NAALADL2: variants seen among roughly 807,000 people sequenced by gnomAD.
NAALADL2 encodes the protein N-acetylated alpha-linked acidic dipeptidase like 2.
In NAALADL2, 76 loss-of-function variants were observed where a neutral mutation model predicts 87.2. The ratio of observed to expected loss-of-function variants is 0.87; its 90% CI spans 0.72 to 1.05. NAALADL2 has a LOEUF of 1.05. NAALADL2 is among the 50% of genes least tolerant of loss of function. The pLI, the probability that NAALADL2 is intolerant of heterozygous loss-of-function variation, is 0.00. For missense variants in NAALADL2, 1,089 were observed against 945.8 expected, an observed-to-expected ratio of 1.15 and a Z score of -1.99; for synonymous variants, 354 against 331.0, an observed-to-expected ratio of 1.07 and a Z score of -0.75.
At chr3:174,743,931 C>G (rs1195923748) in intron 3 of NAALADL2, among the ~76,000 whole-genome samples, 1 of 151,810 alleles carries the variant, frequency 6.6e-6, no homozygotes, top group African/African-American at 2.4e-5. Context: ...AAATCACTCC[C>G]CTTTTAGCAG....
Position 175,576,166 on chromosome 3 carries a change from C to A in NAALADL2, c.1779C>A (p.Tyr593Ter). 6.2e-7 allele frequency: 1 copy of A among 1,613,394 alleles called. No homozygotes were observed. Among genetic ancestry groups the A allele is most frequent in the East Asian group, 2.2e-5 (1 of 44,836 alleles). Residue 593 changes from tyrosine to a stop codon, truncating the protein, a stop_gained, in exon 10 of 14, where the codon TAC becomes TAA. Transcript: ENST00000454872. LOFTEE classifies it high-confidence loss of function. ...GAGTTCCCATCGTGCAGTTTGCTTA[C>A]GAGGACATCAAAACATTAGAGGTGA... ...HLGVPIVQFA[Y>*]EDIKTLEGPS...
intron 3 of NAALADL2, among the ~76,000 whole-genome samples, chr3:175,243,094 C>CAT (rs869066874): frequency 7.3e-5 from 11 of 151,284 alleles, no homozygotes; most frequent in South Asian, 2.1e-4. Flanking sequence ...CACACACACA[C>CAT]GCACACACAC....
At chr3:174,821,295 A>G (rs894521788) in intron 3 of NAALADL2, among the ~76,000 whole-genome samples, 1 of 152,172 alleles carries the variant, frequency 6.6e-6, no homozygotes, top group Non-Finnish European at 1.5e-5. Context: ...CATTTATACT[A>G]ATACGGATGA....
intron 4 of NAALADL2, among the ~76,000 whole-genome samples, chr3:175,263,201 A>G (rs1478767972): frequency 6.6e-6 from 1 of 151,966 alleles, no homozygotes; most frequent in Non-Finnish European, 1.5e-5. Context: ...AATTATTTTT[A>G]AATGATTTAA....
chr3:175,243,365 A>G (rs1747320430), intron 3 of NAALADL2, among the ~76,000 whole-genome samples: 1 of 150,182 alleles, frequency 6.7e-6, no homozygotes, highest in Admixed American at 6.6e-5. Flanking sequence ...CACACACGCC[A>G]GCACAAACCA....
chr3:174,966,517 A>AAGGAAGGTAAATCTCTTGACTTCGAT (rs1742895953), intron 1 of NAALADL2, among the ~76,000 whole-genome samples: 1 of 152,174 alleles, frequency 6.6e-6, no homozygotes, highest in Non-Finnish European at 1.5e-5. Flanking sequence ...TGAGAGATAT[A>AAGGAAGGTAAATCTCTTGACTTCGAT]AGGAAGGTAA....
intron 1 of NAALADL2, among the ~76,000 whole-genome samples, chr3:174,987,568 CAAAAAAAAAAAA>C (rs1159602995): frequency 1.4e-4 from 3 of 20,842 alleles, no homozygotes; most frequent in African/African-American, 2.0e-4. Flanking sequence ...GACTCCGTCT[CAAAAAAAAAAAA>C]AAAAAAAAAA....
intron 2 of NAALADL2, among the ~76,000 whole-genome samples, chr3:175,230,373 A>T (rs1284951653): frequency 6.6e-6 from 1 of 152,120 alleles, no homozygotes; most frequent in African/African-American, 2.4e-5. Flanking sequence ...AAAAGAGAAG[A>T]CAAAAACTAG....
chr3:174,826,725 G>A (rs796461084), intron 3 of NAALADL2, among the ~76,000 whole-genome samples: 68 of 152,196 alleles, frequency 4.5e-4, no homozygotes, highest in African/African-American at 1.5e-3. Flanking sequence ...CTTATAGCAT[G>A]TTTTATGGTT....
intron 11 of NAALADL2, among the ~76,000 whole-genome samples, chr3:175,683,526 G>A (rs1735883809): frequency 6.6e-6 from 1 of 151,794 alleles, no homozygotes; most frequent in Admixed American, 6.6e-5. Context: ...AATGGTAATA[G>A]GTATTAAGGT....
intron 11 of NAALADL2, among the ~76,000 whole-genome samples, chr3:175,700,620 T>C (rs1010109908): frequency 3.3e-5 from 5 of 152,118 alleles, no homozygotes; most frequent in African/African-American, 1.2e-4. Context: ...GGAGGCTGTA[T>C]GAAAATGTGA....
intron 1 of NAALADL2, among the ~76,000 whole-genome samples, chr3:175,065,873 T>G (rs1185795181): frequency 6.6e-6 from 1 of 152,204 alleles, no homozygotes; most frequent in East Asian, 1.9e-4. Flanking sequence ...TTATGTAAGT[T>G]TCCATATAGC....
chr3:175,050,058 A>G (rs7630646), intron 1 of NAALADL2, among the ~76,000 whole-genome samples: 61,335 of 151,692 alleles, frequency 0.4, 14,185 homozygotes, highest in African/African-American at 0.64. Context: ...GCACGTTAGG[A>G]TAATTGGTGT....
intron 1 of NAALADL2, among the ~76,000 whole-genome samples, chr3:174,457,457 C>T (rs1417521605): frequency 6.6e-6 from 1 of 152,090 alleles, no homozygotes; most frequent in Non-Finnish European, 1.5e-5. Flanking sequence ...CCTAAATGCC[C>T]CTTAGTGGTG....
In NAALADL2 at chr3:175,447,811, C is replaced by T. The variant is rs114823474; in HGVS notation, c.1234+439C>T. On this transcript the variant is annotated intron_variant, in intron 6 of 13. Transcript: ENST00000454872. ...TGACTAAAAAATCCCTCTGTCTATG[C>T]GCATCATCGCCCGAGAGATGCTTCT... is the stretch of plus-strand genomic sequence containing the variant. Among the ~76,000 whole-genome samples the T allele has an allele frequency of 5.8e-3, 890 of 152,244 alleles. 6 individuals carry two copies. The highest frequency in any genetic ancestry group is 0.02 in the African/African-American group (833 of 41,550).
intron 1 of NAALADL2, among the ~76,000 whole-genome samples, chr3:175,005,009 A>G (rs1019228569): frequency 1.3e-5 from 2 of 152,186 alleles, no homozygotes; most frequent in Non-Finnish European, 2.9e-5. Flanking sequence ...AAAAACAGAA[A>G]ACGAGTAAAA....
At chr3:175,205,863 T>A (rs914242296) in intron 2 of NAALADL2, among the ~76,000 whole-genome samples, 9 of 151,430 alleles carry the variant, frequency 5.9e-5, no homozygotes, top group African/African-American at 2.2e-4. Context: ...ACATCACTAA[T>A]GATCAGGGAA....
intron 2 of NAALADL2, among the ~76,000 whole-genome samples, chr3:175,224,423 G>T (rs1015463438): frequency 3.9e-5 from 6 of 152,150 alleles, no homozygotes; most frequent in African/African-American, 1.4e-4. Context: ...AAATGGTGCA[G>T]CTTGGACTAA....
intron 2 of NAALADL2, chr3:175,218,219 G>T (rs1580977396): frequency 3.0e-6 from 1 of 335,428 alleles, no homozygotes; most frequent in East Asian, 8.3e-5. Context: ...ATTCCCAAGA[G>T]GAGATAATTA....
Sources: allele counts gnomAD v4.1 joint callset (sites outside exome capture counted in the v4.1 genomes callset), GRCh38; gene constraint gnomAD v4.1.1; transcripts MANE v1.5; gene names NCBI Gene and HGNC (gene_info 2026-07-23, HGNC 2026-07-21).